Variants in PLA2G10 observed in about 807,000 individuals in gnomAD.
PLA2G10 encodes the protein group 10 secretory phospholipase A2.
A neutral mutation model predicts 7.9 loss-of-function variants in PLA2G10; 9 were observed. The observed-to-expected ratio is 1.14, with a 90% CI of 0.68 to 1.98. The LOEUF (loss-of-function observed/expected upper bound fraction) is 1.98, where lower values mean the gene tolerates loss of function less well. PLA2G10 is among the 30% of genes most tolerant of loss of function. PLA2G10 has a pLI of 0.00. For missense variants in PLA2G10, 53 were observed against 65.4 expected, an observed-to-expected ratio of 0.81 and a Z score of 0.66; for synonymous variants, 19 against 27.5, an observed-to-expected ratio of 0.69 and a Z score of 0.97.
chr16:14,685,456 A>G (rs1464897493), intron 3 of PLA2G10, among the ~76,000 whole-genome samples: 4 of 152,052 alleles, frequency 2.6e-5, no homozygotes, highest in African/African-American at 9.7e-5. Context: ...GTATGATTCT[A>G]TTTATATGAA....
At chr16:14,687,558 T>A (rs1180828751) in intron 3 of PLA2G10, among the ~76,000 whole-genome samples, 21 of 152,024 alleles carry the variant, frequency 1.4e-4, no homozygotes, top group Non-Finnish European at 2.2e-4. Context: ...CGATCCTCCT[T>A]CTGGTCCCCA....
chr16:14,680,272 A>G (rs1428941345), intron 3 of PLA2G10, among the ~76,000 whole-genome samples: 1 of 151,790 alleles, frequency 6.6e-6, no homozygotes, highest in Non-Finnish European at 1.5e-5. Flanking sequence ...GGCTAATTTC[A>G]TATTTCTAGT....
intron 3 of PLA2G10, among the ~76,000 whole-genome samples, chr16:14,674,880 A>G (rs568540214): frequency 6.6e-6 from 1 of 151,846 alleles, no homozygotes; most frequent in South Asian, 2.1e-4. Context: ...ATCTTCAACA[A>G]AGCACTCAAG....
chr16:14,679,043 C>T (rs1960806912), intron 3 of PLA2G10, among the ~76,000 whole-genome samples: 1 of 152,094 alleles, frequency 6.6e-6, no homozygotes, highest in Non-Finnish European at 1.5e-5. Context: ...TTCCTCAGGT[C>T]TCTGCTTCAT....
In PLA2G10 at chr16:14,672,759, G is replaced by A. The variant is rs761723158; in HGVS notation, c.356-10C>T. ...TTGTTCTCTGCCGGTCCTGGAAGAA[G>A]TGGGGAAACTGAGATTAGAGCAGGG... On this transcript the variant is annotated splice_polypyrimidine_tract_variant and intron_variant, in intron 3 of 3. Transcript: ENST00000438167. The A allele has an allele frequency of 2.5e-6, 4 of 1,613,744 alleles. No individual in the cohort carries two copies. Among genetic ancestry groups the A allele is most frequent in the Non-Finnish European group, 3.4e-6 (4 of 1,179,790 alleles).
chr16:14,678,034 T>C (rs1960775172), intron 3 of PLA2G10, among the ~76,000 whole-genome samples: 2 of 152,176 alleles, frequency 1.3e-5, no homozygotes, highest in Admixed American at 1.3e-4. Flanking sequence ...AACCAGCCAG[T>C]GCAGGAACAA....
At chr16:14,682,187 T>C (rs1960910825) in intron 3 of PLA2G10, among the ~76,000 whole-genome samples, 1 of 152,144 alleles carries the variant, frequency 6.6e-6, no homozygotes, top group Non-Finnish European at 1.5e-5. Context: ...ACCTGGGGCA[T>C]GTTCAGGCCT....
intron 3 of PLA2G10, among the ~76,000 whole-genome samples, chr16:14,687,945 G>C (rs1961140668): frequency 1.3e-5 from 2 of 151,718 alleles, no homozygotes; most frequent in African/African-American, 4.8e-5. Context: ...GTTGTAGTGA[G>C]CCAAGATCAC....
intron 3 of PLA2G10, among the ~76,000 whole-genome samples, chr16:14,677,115 A>G (rs1372840531): frequency 6.6e-6 from 1 of 152,216 alleles, no homozygotes; most frequent in Non-Finnish European, 1.5e-5. Context: ...TGAAATAAAT[A>G]ATAAGTAAAA....
chr16:14,684,440 T>C (rs551571990), intron 3 of PLA2G10, among the ~76,000 whole-genome samples: 1 of 137,976 alleles, frequency 7.2e-6, no homozygotes, highest in Non-Finnish European at 1.5e-5. Flanking sequence ...CCAATGTGGG[T>C]GGATTGCTTG....
intron 3 of PLA2G10, among the ~76,000 whole-genome samples, chr16:14,674,062 G>A (rs895509875): frequency 3.9e-5 from 6 of 151,956 alleles, no homozygotes; most frequent in Admixed American, 6.6e-5. Context: ...CAGTAGCACT[G>A]CTATACATCA....
At chr16:14,675,283 T>C (rs1230724185) in intron 3 of PLA2G10, among the ~76,000 whole-genome samples, 1 of 151,906 alleles carries the variant, frequency 6.6e-6, no homozygotes, top group Non-Finnish European at 1.5e-5. Context: ...ACTGGATCCC[T>C]ATCTCTCACC....
chr16:14,687,568 A>AC (rs981319170), intron 3 of PLA2G10, among the ~76,000 whole-genome samples: 3 of 151,410 alleles, frequency 2.0e-5, no homozygotes, highest in African/African-American at 7.3e-5. Flanking sequence ...TCTGGTCCCC[A>AC]CCCCCAGCCT....
chr16:14,679,874 G>A (rs952783160), intron 3 of PLA2G10, among the ~76,000 whole-genome samples: 8 of 151,800 alleles, frequency 5.3e-5, no homozygotes, highest in African/African-American at 1.9e-4. Flanking sequence ...CTCTCTTTAA[G>A]CATTCGCTCC....
At chr16:14,673,905 A>G (rs1960657499) in intron 3 of PLA2G10, among the ~76,000 whole-genome samples, 1 of 152,172 alleles carries the variant, frequency 6.6e-6, no homozygotes, top group Admixed American at 6.6e-5. Flanking sequence ...CAGGAAAGAG[A>G]AAGAAATAAA....
At chr16:14,684,580 C>T (rs1367708605) in intron 3 of PLA2G10, among the ~76,000 whole-genome samples, 3 of 151,782 alleles carry the variant, frequency 2.0e-5, no homozygotes, top group Middle Eastern at 3.4e-3. Flanking sequence ...GCAGGAGAAT[C>T]GCTAAAACCT....
intron 3 of PLA2G10, among the ~76,000 whole-genome samples, chr16:14,686,816 A>AATAC (rs1026212163): frequency 1.5e-4 from 23 of 152,296 alleles, no homozygotes; most frequent in Non-Finnish European, 2.8e-4. Flanking sequence ...CTTAAAAATA[A>AATAC]ATACCACGGC....
intron 3 of PLA2G10, among the ~76,000 whole-genome samples, chr16:14,674,745 G>C: frequency 6.6e-6 from 1 of 151,606 alleles, no homozygotes; most frequent in Non-Finnish European, 1.5e-5. Flanking sequence ...TCACTACCCA[G>C]CTTCAAATTA....
At chr16:14,680,722 C>G (rs764227263) in intron 3 of PLA2G10, among the ~76,000 whole-genome samples, 7 of 152,144 alleles carry the variant, frequency 4.6e-5, no homozygotes, top group African/African-American at 1.2e-4. Context: ...TGCTTTATCT[C>G]TCAACACAAT....
Sources: allele counts gnomAD v4.1 joint callset (sites outside exome capture counted in the v4.1 genomes callset), GRCh38; gene constraint gnomAD v4.1.1; transcripts MANE v1.5; gene names NCBI Gene and HGNC (gene_info 2026-07-23, HGNC 2026-07-21).